TRPM3: variants seen among roughly 807,000 people sequenced by gnomAD.
The protein encoded by TRPM3 is transient receptor potential cation channel subfamily M member 3, also known as long transient receptor potential channel 3.
Under a neutral mutation model 181.2 loss-of-function variants are expected in TRPM3, and 77 were observed. That is an observed-to-expected ratio of 0.42 (90% CI 0.35 to 0.51). The LOEUF (loss-of-function observed/expected upper bound fraction) is 0.51. Ranked by LOEUF, TRPM3 falls within the 20% of genes least tolerant of loss-of-function variation. The probability of loss-of-function intolerance (pLI) is 0.01; values close to 1 mark genes in which losing one functional copy is unlikely to be tolerated. For synonymous variants in TRPM3, 745 were observed against 796.4 expected, an observed-to-expected ratio of 0.94 and a Z score of 1.09; for missense variants, 1,759 against 2,196.7, an observed-to-expected ratio of 0.80 and a Z score of 3.98.
rs75812870 is a variant in TRPM3, at chr9:70,908,566, C to A, written c.178-44055G>T. Among the ~76,000 whole-genome samples, 622 of 152,336 alleles carry A rather than the reference C, an allele frequency of 4.1e-3. 6 individuals carry two copies. Among genetic ancestry groups the A allele is most frequent in the African/African-American group, 0.014 (579 of 41,580 alleles). ...GACCTAAACAAATGGGGGCACACAG[C>A]ATATTCATGGATTCCAAGATTGAAT... On this transcript the variant is annotated intron_variant, in intron 1 of 25. Coordinates refer to ENST00000677713, the MANE Select transcript of TRPM3 (RefSeq NM_001366145.2).
At chr9:70,778,197 A>G (rs888835650) in intron 7 of TRPM3, among the ~76,000 whole-genome samples, 3 of 152,212 alleles carry the variant, frequency 2.0e-5, no homozygotes, top group Non-Finnish European at 2.9e-5. Flanking sequence ...GAGGAAAAAT[A>G]GAGTCATTCT....
At chr9:70,880,262 A>T (rs563385942) in intron 1 of TRPM3, among the ~76,000 whole-genome samples, 1 of 152,114 alleles carries the variant, frequency 6.6e-6, no homozygotes, top group African/African-American at 2.4e-5. Context: ...CATTTGTTAA[A>T]CAGTATAATT....
At chr9:70,901,526 T>G (rs2096386939) in intron 1 of TRPM3, among the ~76,000 whole-genome samples, 2 of 152,196 alleles carry the variant, frequency 1.3e-5, no homozygotes, top group Admixed American at 1.3e-4. Flanking sequence ...GTAAAACATT[T>G]TATGGAATTT....
chr9:70,997,770 T>C (rs917495615), intron 1 of TRPM3, among the ~76,000 whole-genome samples: 1 of 152,164 alleles, frequency 6.6e-6, no homozygotes, highest in Non-Finnish European at 1.5e-5. Flanking sequence ...TTAATTATAA[T>C]TGACTGTGGA....
chr9:70,915,336 C>T (rs192146328), intron 1 of TRPM3, among the ~76,000 whole-genome samples: 18 of 151,804 alleles, frequency 1.2e-4, no homozygotes, highest in African/African-American at 3.1e-4. Context: ...CTTACTCTGT[C>T]GCCCAGGCTG....
rs1198150010 is a variant in TRPM3, at chr9:70,842,984, G to A, written c.801+19C>T. On this transcript the variant is annotated intron_variant, in intron 5 of 25. Transcript: ENST00000677713. Reference sequence around the variant, plus strand: ...CCCTCTAGGAGAAGTCATGGAAAGCGACAGCACTCAGGACTTACATCTCTT... The same window carrying A: ...CCCTCTAGGAGAAGTCATGGAAAGCAACAGCACTCAGGACTTACATCTCTT... 1.3e-5 allele frequency: 21 copies of A among 1,610,114 alleles called. No individual in the cohort carries two copies. Among genetic ancestry groups the A allele is most frequent in the East Asian group, 2.2e-5 (1 of 44,850 alleles).
intron 1 of TRPM3, among the ~76,000 whole-genome samples, chr9:71,269,258 G>A (rs1332255175): frequency 6.6e-6 from 1 of 152,208 alleles, no homozygotes; most frequent in Non-Finnish European, 1.5e-5. Flanking sequence ...GAAGAGATAA[G>A]AATGTCTCAT....
intron 1 of TRPM3, among the ~76,000 whole-genome samples, chr9:70,993,162 C>T (rs2097505211): frequency 6.6e-6 from 1 of 152,034 alleles, no homozygotes; most frequent in African/African-American, 2.4e-5. Context: ...TTTCCAAGTA[C>T]AATGGGAAGT....
chr9:70,989,027 C>G (rs952641800), intron 1 of TRPM3, among the ~76,000 whole-genome samples: 1 of 152,160 alleles, frequency 6.6e-6, no homozygotes, highest in Non-Finnish European at 1.5e-5. Context: ...ATACCCTGAG[C>G]AGAACCCAAT....
chr9:70,769,703 C>T (rs891711776), intron 7 of TRPM3, among the ~76,000 whole-genome samples: 3 of 152,160 alleles, frequency 2.0e-5, no homozygotes, highest in African/African-American at 7.2e-5. Flanking sequence ...TTGGTGCTCT[C>T]AAACCACTTG....
intron 1 of TRPM3, among the ~76,000 whole-genome samples, chr9:71,032,386 TC>T (rs1565026876): frequency 6.6e-6 from 1 of 150,864 alleles, no homozygotes; most frequent in African/African-American, 2.4e-5. Context: ...ATTTCCTGAG[TC>T]CAATTAACCC....
chr9:70,616,085 TA>T lies in TRPM3; in HGVS notation c.2359-11del. On this transcript the variant is annotated splice_polypyrimidine_tract_variant and intron_variant, in intron 17 of 25. Coordinates refer to ENST00000677713, the MANE Select transcript of TRPM3 (RefSeq NM_001366145.2). The stretch of plus-strand genomic sequence containing the variant: ...GAATTCCCAGAATTACCTAAAGTAA[TA>T]ATAATGATAATAATAATAATCACAT... 1.3e-6 allele frequency: 2 copies of T among 1,518,054 alleles called. No individual in the cohort carries two copies. The highest frequency in any genetic ancestry group is 1.8e-6 in the Non-Finnish European group (2 of 1,127,262). The allele number at this position is 1,518,054 out of a possible 1,614,324, so 94.0% of individuals were successfully genotyped here. A position where few individuals can be genotyped will look rare whatever the true frequency, so the allele number is the denominator to read the frequency against.
intron 1 of TRPM3, among the ~76,000 whole-genome samples, chr9:71,203,406 G>C (rs1412558208): frequency 2.0e-5 from 3 of 152,106 alleles, no homozygotes; most frequent in Non-Finnish European, 4.4e-5. Context: ...CAAATCCACT[G>C]TGCTTAATTT....
intron 1 of TRPM3, among the ~76,000 whole-genome samples, chr9:71,028,401 C>G (rs1217047012): frequency 6.6e-6 from 1 of 152,114 alleles, no homozygotes; most frequent in East Asian, 1.9e-4. Context: ...AGCAACCACA[C>G]AAACAAATTA....
At chr9:70,791,324 C>T (rs79103551) in intron 6 of TRPM3, among the ~76,000 whole-genome samples, 6,186 of 152,200 alleles carry the variant, frequency 0.041, 155 homozygotes, top group Middle Eastern at 0.11. Flanking sequence ...ATTAAACAGT[C>T]GACACGCAAC....
chr9:70,675,888 A>T (rs563330944), intron 9 of TRPM3, among the ~76,000 whole-genome samples: 1 of 152,246 alleles, frequency 6.6e-6, no homozygotes, highest in African/African-American at 2.4e-5. Context: ...TGCTCAGATT[A>T]ACAATATGTG....
chr9:71,205,207 TA>T (rs1174739234), intron 1 of TRPM3, among the ~76,000 whole-genome samples: 1 of 149,904 alleles, frequency 6.7e-6, no homozygotes. Flanking sequence ...AAAACTTAAA[TA>T]AAAAAAAGTA....
chr9:70,894,778 T>C (rs1278079143), intron 1 of TRPM3, among the ~76,000 whole-genome samples: 2 of 152,226 alleles, frequency 1.3e-5, no homozygotes, highest in South Asian at 2.1e-4. Context: ...TTTAGTAGTA[T>C]CATAACAACA....
At chr9:71,203,387 A>C (rs1315711528) in intron 1 of TRPM3, among the ~76,000 whole-genome samples, 1 of 152,214 alleles carries the variant, frequency 6.6e-6, no homozygotes, top group Non-Finnish European at 1.5e-5. Context: ...TGTCTCAGTA[A>C]GTTGTAAGCA....
Sources: allele counts gnomAD v4.1 joint callset (sites outside exome capture counted in the v4.1 genomes callset), GRCh38; gene constraint gnomAD v4.1.1; transcripts MANE v1.5; gene names NCBI Gene and HGNC (gene_info 2026-07-23, HGNC 2026-07-21).